AHCTF1: variants seen among roughly 807,000 people sequenced by gnomAD.
The protein encoded by AHCTF1 is AT-hook containing transcription factor 1.
Under a neutral mutation model 248.4 loss-of-function variants are expected in AHCTF1, and 24 were observed. The ratio of observed to expected loss-of-function variants is 0.10; its 90% CI spans 0.07 to 0.14. AHCTF1 has a LOEUF of 0.14. Among genes scored for constraint, AHCTF1 ranks in the 10% least tolerant of loss-of-function variants. The pLI is 1.00. For synonymous variants in AHCTF1, 786 were observed against 929.8 expected (o/e 0.85, Z 2.81); for missense variants, 2,206 against 2,636.2 (o/e 0.84, Z 3.57).
At chr1:246,890,831 A>G (rs1273215722) in intron 16 of AHCTF1, 125 bp downstream of exon 16, 1 of 567,142 alleles carries the variant, frequency 1.8e-6, no homozygotes, top group African/African-American at 2.0e-5. Flanking sequence ...TTAAGCATAA[A>G]TTAAATTAAG....
intron 11 of AHCTF1, 105 bp downstream of exon 11, chr1:246,899,346 G>T: frequency 1.1e-6 from 1 of 908,868 alleles, no homozygotes; most frequent in Non-Finnish European, 1.7e-6. Flanking sequence ...TACCATTTAA[G>T]CTGAAACAAC....
intron 33 of AHCTF1, among the ~76,000 whole-genome samples, chr1:246,847,365 A>T (rs1037127664): frequency 6.6e-5 from 10 of 152,196 alleles, no homozygotes; most frequent in Non-Finnish European, 1.5e-4. Flanking sequence ...GAATATATGC[A>T]CGTACATAAA....
At chr1:246,852,927 C>T (rs922383061) in intron 32 of AHCTF1, among the ~76,000 whole-genome samples, 164 bp downstream of exon 32, 1 of 152,032 alleles carries the variant, frequency 6.6e-6, no homozygotes, top group Non-Finnish European at 1.5e-5. Flanking sequence ...TTTTTATATT[C>T]CACAAAAGAT....
rs1289058488 is a variant in AHCTF1, at chr1:246,891,767, CAA to C, written c.1945+10_1945+11del. Reference sequence around the variant, plus strand: ...TTAATAAAACACTCATTTGATAAAACAAAGAGCGTACCTCTCTCAGTGATCTC... The same window carrying C: ...TTAATAAAACACTCATTTGATAAAACAGAGCGTACCTCTCTCAGTGATCTC... On this transcript the variant is annotated intron_variant, in intron 15 of 35. Coordinates refer to ENST00000648844, the MANE Select transcript of AHCTF1 (RefSeq NM_001323342.2). The C allele has an allele frequency of 6.2e-7, 1 of 1,604,496 alleles. No individual in the cohort carries two copies. The highest frequency in any genetic ancestry group is 1.7e-5 in the Admixed American group (1 of 57,366).
At chr1:246,884,501 G>C (rs1322807786) in intron 21 of AHCTF1, among the ~76,000 whole-genome samples, 1 of 152,128 alleles carries the variant, frequency 6.6e-6, no homozygotes, top group Admixed American at 6.6e-5. Context: ...ATATAAAAAT[G>C]ATCAACAGGG....
At position 246,913,431 on chromosome 1, in the gene AHCTF1, G is replaced by A. The variant is rs768892121; in HGVS notation, c.376-19C>T. Reference sequence around the variant, plus strand: ...CTGTTACCTAGAAAACATAATACGTGATTTGCTTTTCTTCTGCAAAGTAAG... The same window carrying A: ...CTGTTACCTAGAAAACATAATACGTAATTTGCTTTTCTTCTGCAAAGTAAG... On this transcript the variant is annotated intron_variant, in intron 3 of 35. Transcript: ENST00000648844. 1 of 1,582,068 alleles carries A rather than the reference G, an allele frequency of 6.3e-7. No individual in the cohort carries two copies. The highest frequency in any genetic ancestry group is 1.8e-5 in the Admixed American group (1 of 55,224).
intron 28 of AHCTF1, 109 bp downstream of exon 28, chr1:246,861,850 A>C (rs1020247033): frequency 1.1e-6 from 1 of 928,696 alleles, no homozygotes; most frequent in African/African-American, 1.7e-5. Context: ...GATTATATAC[A>C]AAAATCTATA....
At chr1:246,923,741 G>C (rs1257640217) in intron 1 of AHCTF1, among the ~76,000 whole-genome samples, 2 of 79,250 alleles carry the variant, frequency 2.5e-5, no homozygotes, top group Non-Finnish European at 5.3e-5. Context: ...GCGTGCATGC[G>C]TGTGTGTGTG....
intron 6 of AHCTF1, among the ~76,000 whole-genome samples, chr1:246,904,515 C>A (rs1237004642): frequency 6.6e-6 from 1 of 152,134 alleles, no homozygotes; most frequent in Non-Finnish European, 1.5e-5. Flanking sequence ...TCTCTTCCTC[C>A]ATCTTGCTAT....
Position 246,853,272 on chromosome 1 carries a change from C to T in AHCTF1, c.4382G>A (p.Gly1461Glu). 6.2e-7 allele frequency: 1 copy of T among 1,613,222 alleles called. No individual in the cohort carries two copies. Residue 1461 changes from glycine to glutamate, a missense_variant, in exon 32 of 36, where the codon GGA becomes GAA. Gly to Glu is a moderately conservative substitution (Grantham distance 98, BLOSUM62 -2). Around this residue, in one of 6 missense-constraint regions of AHCTF1, gnomAD observed 955 missense variants for 1,055.6 expected, o/e 0.90. Transcript: ENST00000648844. Reference protein sequence around the residue: ...KSMADVLGDGGNSSLTISEGP... With the variant: ...KSMADVLGDGENSSLTISEGP... ...TTCAGAGATAGTGAGCGAGGAGTTT[C>T]CACCATCACCAAGGACATCAGCCAT... is the stretch of plus-strand genomic sequence containing the variant.
intron 26 of AHCTF1, 143 bp from the exon 27 acceptor site, chr1:246,864,259 C>G (rs909195572): frequency 4.9e-6 from 4 of 813,020 alleles, no homozygotes; most frequent in South Asian, 2.2e-5. Flanking sequence ...ATCCAAAGTG[C>G]TACCATGCAT....
intron 24 of AHCTF1, among the ~76,000 whole-genome samples, chr1:246,875,836 T>C (rs1485300166): frequency 1.3e-5 from 2 of 152,238 alleles, no homozygotes; most frequent in Non-Finnish European, 2.9e-5. Context: ...CATTATGCAA[T>C]GGGAAACCAA....
At chr1:246,868,160 G>C (rs914157860) in intron 24 of AHCTF1, among the ~76,000 whole-genome samples, 1 of 142,364 alleles carries the variant, frequency 7.0e-6, no homozygotes, top group Non-Finnish European at 1.5e-5. Flanking sequence ...ACGGAGTCTT[G>C]CTCTGTAGCC....
At position 246,851,074 on chromosome 1, in the gene AHCTF1, G is replaced by A. The variant is rs781664818; in HGVS notation, c.4932C>T (p.Ala1644=). Residue 1644 remains alanine (A), a synonymous_variant, in exon 33 of 36, where the codon GCC becomes GCT. Coordinates refer to ENST00000648844, the MANE Select transcript of AHCTF1 (RefSeq NM_001323342.2). ...TTTGGGACTTTTGGTCACTAGTTAC[G>A]GCAGATGGCAAATTTGCAATTTGTC... ...NHGQIANLPS[A]VTSDQKSQKV... is the part of the protein sequence containing the mutation. 1.4e-5 allele frequency: 22 copies of A among 1,613,680 alleles called. No individual in the cohort carries two copies. Among genetic ancestry groups the A allele is most frequent in the Middle Eastern group, 1.6e-4 (1 of 6,078 alleles).
intron 29 of AHCTF1, 144 bp from the exon 30 acceptor site, chr1:246,857,958 T>TTTA: frequency 2.7e-6 from 1 of 375,704 alleles, no homozygotes; most frequent in Non-Finnish European, 4.0e-6. Context: ...CTGCTAACAC[T>TTTA]TTCTTCTTTT....
At chr1:246,913,878 T>C (rs1461818779) in intron 3 of AHCTF1, among the ~76,000 whole-genome samples, 1 of 152,180 alleles carries the variant, frequency 6.6e-6, no homozygotes, top group African/African-American at 2.4e-5. Context: ...CCTCTTCTCC[T>C]AAGAGTAAAA....
Position 246,851,186 on chromosome 1 carries a change from T to C in AHCTF1, c.4820A>G (p.Asp1607Gly), listed in dbSNP as rs563109798. 5.0e-6 allele frequency: 8 copies of C among 1,613,920 alleles called. No homozygotes were observed. In the African/African-American group the frequency reaches 9.3e-5, roughly 19 times the overall value. The change falls in exon 33 of 36, where the codon GAT (aspartate) becomes GGT (glycine). Residue 1607 changes from aspartate to glycine, a missense_variant. By Grantham distance (94) the Asp-to-Gly change is moderately conservative. This residue lies in a region of AHCTF1 where 955 missense variants were observed against 1,055.6 expected (regional missense o/e 0.90). Coordinates refer to ENST00000648844, the MANE Select transcript of AHCTF1 (RefSeq NM_001323342.2). ...AGGTAACACATCAGATGATGCAAAA[T>C]CACCTGGCTCAACTTCTCCTTCTTC... is the stretch of plus-strand genomic sequence containing the variant. ...EGEEGEVEPGDFASSDVLPKA... is the reference protein window; with the variant it reads ...EGEEGEVEPGGFASSDVLPKA...
At chr1:246,868,993 C>CG (rs1370697120) in intron 24 of AHCTF1, among the ~76,000 whole-genome samples, 1 of 151,250 alleles carries the variant, frequency 6.6e-6, no homozygotes, top group Non-Finnish European at 1.5e-5. Context: ...TACAGGCGCC[C>CG]GCCACCATGC....
chr1:246,874,989 T>C (rs1454496159), intron 24 of AHCTF1, among the ~76,000 whole-genome samples: 1 of 152,208 alleles, frequency 6.6e-6, no homozygotes, highest in African/African-American at 2.4e-5. Flanking sequence ...AAACCCCATG[T>C]AAAATATTAG....
Sources: allele counts gnomAD v4.1 joint callset (sites outside exome capture counted in the v4.1 genomes callset), GRCh38; gene constraint gnomAD v4.1.1; regional missense constraint gnomAD v4.1.1; transcripts MANE v1.5; gene names NCBI Gene and HGNC (gene_info 2026-07-23, HGNC 2026-07-21).